Variants in CATSPERQ observed in about 807,000 individuals in gnomAD.
The protein encoded by CATSPERQ is catsper channel auxiliary subunit theta, also known as cation channel sperm-associated auxiliary subunit theta.
chr8:144,354,783 G>A, the CATSPERQ span: 4 of 1,530,342 alleles, frequency 2.6e-6, no homozygotes, highest in Non-Finnish European at 3.5e-6. The surrounding 1 kb of genome is among the most constrained non-coding windows in gnomAD (Gnocchi z 4.6). Flanking sequence ...TCAGGCAGAG[G>A]TGGTCAGCCT....
chr8:144,353,559 G>A, the CATSPERQ span: 13 of 1,515,940 alleles, frequency 8.6e-6, no homozygotes, highest in African/African-American at 1.1e-4. Flanking sequence ...AACTGGGGCC[G>A]GGACAGGACA....
the CATSPERQ span, chr8:144,353,232 C>T: frequency 1.5e-6 from 2 of 1,307,672 alleles, no homozygotes; most frequent in Non-Finnish European, 2.0e-6. Context: ...CGTGTGGAAG[C>T]TGAGGCAGCT....
At chr8:144,354,046 G>A in the CATSPERQ span, 24 of 1,535,508 alleles carry the variant, frequency 1.6e-5, no homozygotes, top group Non-Finnish European at 2.1e-5. The surrounding 1 kb of genome is among the most constrained non-coding windows in gnomAD (Gnocchi z 4.6). Flanking sequence ...CACGCCGCGC[G>A]TGTGGTTCAG....
the CATSPERQ span, chr8:144,354,164 C>G: frequency 0.44 from 682,732 of 1,535,918 alleles, 155,761 homozygotes; most frequent in East Asian, 0.68. The surrounding 1 kb of genome is among the most constrained non-coding windows in gnomAD (Gnocchi z 4.6). Flanking sequence ...GGGCGCCACG[C>G]GGAGAGTCTG....
the CATSPERQ span, chr8:144,354,531 A>G: frequency 7.0e-7 from 1 of 1,429,306 alleles, no homozygotes. This position sits in a 1 kb window ranked among gnomAD's most constrained non-coding sequence, Gnocchi z 4.6. Flanking sequence ...GCTCCGCCCC[A>G]TTCAGGCCTC....
chr8:144,354,212 G>A, the CATSPERQ span: 1 of 1,546,818 alleles, frequency 6.5e-7, no homozygotes, highest in Non-Finnish European at 8.7e-7. This position sits in a 1 kb window ranked among gnomAD's most constrained non-coding sequence, Gnocchi z 4.6. Context: ...GGAGGGCGGT[G>A]GGGGTCGGGC....
chr8:144,354,249 G>A, the CATSPERQ span: 2 of 1,540,370 alleles, frequency 1.3e-6, no homozygotes, highest in East Asian at 2.4e-5. This position sits in a 1 kb window ranked among gnomAD's most constrained non-coding sequence, Gnocchi z 4.6. Context: ...CTCTCAGGGA[G>A]CTGAAGCTGA....
the CATSPERQ span, chr8:144,354,537 G>A: frequency 2.8e-6 from 4 of 1,448,216 alleles, no homozygotes; most frequent in South Asian, 5.5e-5. This position sits in a 1 kb window ranked among gnomAD's most constrained non-coding sequence, Gnocchi z 4.6. Flanking sequence ...CCCCATTCAG[G>A]CCTCGGGCCC....
chr8:144,353,579 C>A, the CATSPERQ span: 1 of 1,492,898 alleles, frequency 6.7e-7, no homozygotes, highest in South Asian at 1.3e-5. Context: ...AGACCCGAGT[C>A]GCCGTCCAGG....
the CATSPERQ span, chr8:144,353,908 T>C: frequency 6.5e-7 from 1 of 1,528,042 alleles, no homozygotes; most frequent in South Asian, 1.2e-5. Flanking sequence ...CCCTCCGACC[T>C]CCCAAGCTGC....
At chr8:144,353,731 C>T in the CATSPERQ span, 1 of 1,529,856 alleles carries the variant, frequency 6.5e-7, no homozygotes, top group East Asian at 2.4e-5. Flanking sequence ...AAACAGTGAT[C>T]GGTGTCATCG....
chr8:144,354,870 G>A, the CATSPERQ span: 10 of 1,455,362 alleles, frequency 6.9e-6, no homozygotes, highest in Non-Finnish European at 9.1e-6. The surrounding 1 kb of genome is among the most constrained non-coding windows in gnomAD (Gnocchi z 4.6). Flanking sequence ...CAGGGCTGCA[G>A]GCCCAGGAAG....
chr8:144,354,575 C>CAA, the CATSPERQ span: 1 of 450,470 alleles, frequency 2.2e-6, no homozygotes, highest in Non-Finnish European at 3.7e-6. The surrounding 1 kb of genome is among the most constrained non-coding windows in gnomAD (Gnocchi z 4.6). Context: ...CCCCGCCCTT[C>CAA]CCAGCCCCGC....
the CATSPERQ span, chr8:144,354,873 CCAGGAAGGAG>C: frequency 3.6e-3 from 5,247 of 1,459,088 alleles, 54 homozygotes; most frequent in East Asian, 0.03. The surrounding 1 kb of genome is among the most constrained non-coding windows in gnomAD (Gnocchi z 4.6). Flanking sequence ...GGCTGCAGGC[CCAGGAAGGAG>C]CAGGAGCTCA....
the CATSPERQ span, chr8:144,353,803 A>G: frequency 2.0e-6 from 3 of 1,535,612 alleles, no homozygotes; most frequent in Non-Finnish European, 2.6e-6. Flanking sequence ...CAGCTGCACC[A>G]GCACCAGGGG....
the CATSPERQ span, chr8:144,353,526 T>C: frequency 6.5e-7 from 1 of 1,532,960 alleles, no homozygotes; most frequent in East Asian, 2.4e-5. Context: ...GTATTCCATT[T>C]GCTGTGGGAG....
the CATSPERQ span, chr8:144,354,123 G>A: frequency 1.6e-5 from 25 of 1,534,922 alleles, no homozygotes; most frequent in Admixed American, 1.2e-4. The surrounding 1 kb of genome is among the most constrained non-coding windows in gnomAD (Gnocchi z 4.6). Context: ...CGTACACGAG[G>A]AAGACCCAGG....
chr8:144,354,448 G>T, the CATSPERQ span: 2 of 1,305,584 alleles, frequency 1.5e-6, no homozygotes, highest in South Asian at 1.6e-5. This position sits in a 1 kb window ranked among gnomAD's most constrained non-coding sequence, Gnocchi z 4.6. Context: ...GCGACGTCTC[G>T]CCTGCGGCCT....
the CATSPERQ span, chr8:144,353,580 G>A: frequency 6.7e-7 from 1 of 1,489,072 alleles, no homozygotes; most frequent in Non-Finnish European, 9.0e-7. Context: ...GACCCGAGTC[G>A]CCGTCCAGGC....
Sources: gnomAD v4.1 joint callset for allele counts on GRCh38, gnomAD v4.1.1 for gene constraint, Gnocchi (gnomAD v3.1) non-coding constraint, MANE v1.5 for transcripts, NCBI Gene and HGNC (gene_info 2026-07-23, HGNC 2026-07-21) for gene names.